Variants in HECTD4 observed in about 807,000 individuals in gnomAD.
The protein encoded by HECTD4 is HECT domain E3 ubiquitin protein ligase 4.
In HECTD4, 114 loss-of-function variants were observed where a neutral mutation model predicts 471.5. That is an observed-to-expected ratio of 0.24 (90% CI 0.21 to 0.28). The LOEUF (loss-of-function observed/expected upper bound fraction) is 0.28. Among genes scored for constraint, HECTD4 ranks in the 10% least tolerant of loss-of-function variants. The probability of loss-of-function intolerance (pLI) is 1.00; values close to 1 mark genes in which losing one functional copy is unlikely to be tolerated. For synonymous variants in HECTD4, 2,012 were observed against 2,256.0 expected (o/e 0.89, Z 3.07); for missense variants, 3,866 against 5,651.5 (o/e 0.68, Z 10.13).
In HECTD4 at chr12:112,264,212, C is replaced by A; in HGVS notation, c.2620G>T (p.Ala874Ser). 6.3e-7 allele frequency: 1 copy of A among 1,585,814 alleles called. No individual in the cohort carries two copies. The highest frequency in any genetic ancestry group is 8.6e-7 in the Non-Finnish European group (1 of 1,165,300). The change falls in exon 17 of 76, where the codon GCT (alanine) becomes TCT (serine). Residue 874 changes from alanine to serine, a missense_variant and splice_region_variant. Physicochemically the swap from Ala to Ser is moderately conservative, Grantham distance 99 (BLOSUM62 1). This residue lies in a region of HECTD4 where 525 missense variants were observed against 672.6 expected (regional missense o/e 0.78). Coordinates refer to ENST00000682272, the MANE Select transcript of HECTD4 (RefSeq NM_001388303.1). ...AGATAGCGCAGGCAGGAGGATGCAG[C>A]CTTTAATACAAATAAGGGCATTTAA... ...DFQKLLSTVP[A>S]ASSCLRYLMA...
intron 17 of HECTD4, 86 bp downstream of exon 17, chr12:112,263,998 G>C (rs182835765): frequency 7.8e-7 from 1 of 1,285,424 alleles, no homozygotes; most frequent in Non-Finnish European, 1.0e-6. Flanking sequence ...GGTGAATTCT[G>C]ACATCATAAA....
chr12:112,253,774 C>G (rs553435142), intron 22 of HECTD4, among the ~76,000 whole-genome samples: 1 of 152,274 alleles, frequency 6.6e-6, no homozygotes, highest in East Asian at 1.9e-4. Flanking sequence ...ATCTAGCAAC[C>G]CTTTTAATCA....
rs910696872 is a variant in HECTD4, at chr12:112,319,050, A to G, written c.695+175T>C. Among the ~76,000 whole-genome samples the G allele has an allele frequency of 6.6e-6, 1 of 152,224 alleles. No homozygotes were observed. Among genetic ancestry groups the G allele is most frequent in the African/African-American group, 2.4e-5 (1 of 41,464 alleles). ...GGTTCCAACTCAGGCACCTGGTGCC[A>G]AGTTTGGTGAAAGCATCTCATGCAC... On this transcript the variant is annotated intron_variant, in intron 2 of 75. Transcript: ENST00000682272. The surrounding 1 kb of genome is among the most constrained non-coding windows in gnomAD (Gnocchi z 5.3).
chr12:112,188,749 C>T lies in HECTD4; in HGVS notation c.9472+2037G>A, dbSNP rs530794106. ...GCTCTCTCAGGACTGACACTGCTTGCGAATTCTGGTTGGAAACAAGTTTGT... is the reference window on the plus strand; with the variant it reads ...GCTCTCTCAGGACTGACACTGCTTGTGAATTCTGGTTGGAAACAAGTTTGT... On this transcript the variant is annotated intron_variant, in intron 60 of 75. Coordinates refer to ENST00000682272, the MANE Select transcript of HECTD4 (RefSeq NM_001388303.1). The surrounding 1 kb of genome is among the most constrained non-coding windows in gnomAD (Gnocchi z 4.2). Among the ~76,000 whole-genome samples, 3 of 152,326 alleles carry T rather than the reference C, an allele frequency of 2.0e-5. No homozygotes were observed. The highest frequency in any genetic ancestry group is 4.8e-5 in the African/African-American group (2 of 41,582).
intron 7 of HECTD4, chr12:112,301,752 G>A (rs1398983349): frequency 2.1e-6 from 1 of 479,622 alleles, no homozygotes; most frequent in African/African-American, 2.0e-5. Flanking sequence ...ATATCTCACA[G>A]AGCAGTTGGT....
chr12:112,369,255 C>T (rs114559122), intron 1 of HECTD4, among the ~76,000 whole-genome samples: 1 of 151,896 alleles, frequency 6.6e-6, no homozygotes, highest in South Asian at 2.1e-4. Flanking sequence ...CAGGGTTCAG[C>T]GTGCATTTCT....
In HECTD4 at chr12:112,226,748, C is replaced by G; in HGVS notation, c.6865G>C (p.Val2289Leu). The G allele has an allele frequency of 1.2e-6, 2 of 1,608,336 alleles. No homozygotes were observed. The highest frequency in any genetic ancestry group is 1.7e-6 in the Non-Finnish European group (2 of 1,175,518). Residue 2289 changes from valine (V) to leucine (L), a missense_variant, in exon 44 of 76, where the codon GTC (valine) becomes CTC (leucine). Coordinates refer to ENST00000682272, the MANE Select transcript of HECTD4 (RefSeq NM_001388303.1). The stretch of plus-strand genomic sequence containing the variant: ...CTGTCTTCTAAAAGCTGGGCCATGA[C>G]CAGGCATGCTCTTAATGTTAAAAGA... ...LAEIRTRACLVMAQLLEDSLF... is the reference protein window; with the variant it reads ...LAEIRTRACLLMAQLLEDSLF...
At chr12:112,368,524 ACAG>A (rs1172989005) in intron 1 of HECTD4, among the ~76,000 whole-genome samples, 1 of 152,340 alleles carries the variant, frequency 6.6e-6, no homozygotes, top group Middle Eastern at 3.4e-3. Flanking sequence ...ATTTAAAGAA[ACAG>A]CAGAAGACAA....
rs757147053 is a variant in HECTD4, at chr12:112,162,435, C to T, written c.13209G>A (p.Glu4403=). ...GGTAGTGAATGGCACAACGAAGTTT[C>T]TCCAGCATGATTTCCAGAGAGGAGT... ...PQYSSLEIML[E]KLRCAIHYRE... is the part of the protein sequence containing the mutation. Residue 4403 remains glutamate (E), a synonymous_variant, in exon 76 of 76, where the codon GAG becomes GAA. Coordinates refer to ENST00000682272, the MANE Select transcript of HECTD4 (RefSeq NM_001388303.1). This position sits in a 1 kb window ranked among gnomAD's most constrained non-coding sequence, Gnocchi z 5.2. 4.1e-5 allele frequency: 66 copies of T among 1,613,954 alleles called. No individual in the cohort carries two copies. In the South Asian group the frequency reaches 6.6e-4, roughly 16 times the overall value.
At chr12:112,269,893 G>A (rs771667327) in intron 12 of HECTD4, 44 bp from the exon 13 acceptor site, 5 of 1,540,028 alleles carry the variant, frequency 3.2e-6, no homozygotes, top group Non-Finnish European at 4.5e-6. Flanking sequence ...TAATTCTACT[G>A]GGGATAAAAT....
rs567950713 is a variant in HECTD4, at chr12:112,171,142, G to A, written c.11907C>T (p.Ile3969=). ...CTTTGGCCTCCTTCAGCAGGGCGGC[G>A]ATGCTGTGGGTATACATGGGTGTCT... is the stretch of plus-strand genomic sequence containing the variant. ...LRQTPMYTHS[I]AALLKEAKGL... is the part of the protein sequence containing the mutation. The change falls in exon 68 of 76, where the codon ATC becomes ATT. Residue 3969 remains isoleucine, a synonymous_variant. Coordinates refer to ENST00000682272, the MANE Select transcript of HECTD4 (RefSeq NM_001388303.1). 8.7e-6 allele frequency: 14 copies of A among 1,613,484 alleles called. No individual in the cohort carries two copies. The African/African-American group carries it at 1.3e-4, about 15-fold the overall frequency.
In HECTD4 at chr12:112,250,125, A is replaced by T; in HGVS notation, c.3950+19T>A. Reference sequence around the variant, plus strand: ...TTTTTTTCCCATTGGGAAAAGTAAAACACTACACAGCAACATACTTTATAC... The same window carrying T: ...TTTTTTTCCCATTGGGAAAAGTAAATCACTACACAGCAACATACTTTATAC... On this transcript the variant is annotated intron_variant, in intron 25 of 75. Transcript: ENST00000682272. 1 of 1,574,604 alleles carries T rather than the reference A, an allele frequency of 6.4e-7. No individual in the cohort carries two copies.
At chr12:112,165,216 CTCTT>C (rs778607601) in intron 72 of HECTD4, among the ~76,000 whole-genome samples, 5 of 151,618 alleles carry the variant, frequency 3.3e-5, no homozygotes, top group Non-Finnish European at 2.9e-5. Flanking sequence ...CGCGCCTGTC[CTCTT>C]TCTTTTTTTT....
intron 69 of HECTD4, chr12:112,170,105 C>T (rs2031153965): frequency 1.7e-6 from 1 of 602,754 alleles, no homozygotes; most frequent in African/African-American, 1.9e-5. Flanking sequence ...CCCACCTGAC[C>T]CCATGCAGCT....
chr12:112,171,363 G>A, intron 67 of HECTD4, 100 bp from the exon 68 acceptor site: 1 of 1,514,316 alleles, frequency 6.6e-7, no homozygotes. Flanking sequence ...AACAGGATTG[G>A]TGGATTTTTT....
In HECTD4 at chr12:112,210,150, T is replaced by A; in HGVS notation, c.7732A>T (p.Ile2578Phe). 6.2e-7 allele frequency: 1 copy of A among 1,613,930 alleles called. No homozygotes were observed. Among genetic ancestry groups the A allele is most frequent in the Non-Finnish European group, 8.5e-7 (1 of 1,179,866 alleles). The part of the protein sequence containing the change: ...ADLCTDLAEE[I>F]SANFEALPFA... ...GGCAGGGCCTCAAAGTTAGCGCTGA[T>A]CTCTTCTGCTAGGTCAGTGCACAGG... The change falls in exon 50 of 76, where the codon ATC becomes TTC. Residue 2578 changes from isoleucine to phenylalanine, a missense_variant. This residue lies in a region of HECTD4 where 8 missense variants were observed against 34.6 expected (regional missense o/e 0.23). Coordinates refer to ENST00000682272, the MANE Select transcript of HECTD4 (RefSeq NM_001388303.1).
chr12:112,236,308 T>A (rs766410607), intron 35 of HECTD4, among the ~76,000 whole-genome samples: 2 of 152,200 alleles, frequency 1.3e-5, no homozygotes, highest in African/African-American at 2.4e-5. Flanking sequence ...CTAGGGAGAA[T>A]GACTGGATCT....
chr12:112,313,597 C>T (rs2035415073), intron 3 of HECTD4, among the ~76,000 whole-genome samples: 1 of 150,434 alleles, frequency 6.6e-6, no homozygotes, highest in Non-Finnish European at 1.5e-5. Flanking sequence ...ATGCCATTCT[C>T]CTGCCTCGGC....
intron 44 of HECTD4, among the ~76,000 whole-genome samples, chr12:112,222,675 A>G (rs1358057098): frequency 6.6e-6 from 1 of 151,440 alleles, no homozygotes; most frequent in Non-Finnish European, 1.5e-5. Context: ...TTTTAAAAAC[A>G]AACAAAAAAT....
Sources: allele counts gnomAD v4.1 joint callset (sites outside exome capture counted in the v4.1 genomes callset), GRCh38; gene constraint gnomAD v4.1.1; regional missense constraint gnomAD v4.1.1; non-coding constraint Gnocchi (gnomAD v3.1); transcripts MANE v1.5; gene names NCBI Gene and HGNC (gene_info 2026-07-23, HGNC 2026-07-21).